The following CASK variants were observed in gnomAD, a reference collection of about 807,000 sequenced individuals.
CASK encodes the protein calcium/calmodulin dependent serine protein kinase.
A neutral mutation model predicts 82.9 loss-of-function variants in CASK; 4 were observed. That is an observed-to-expected ratio of 0.05 (90% confidence interval 0.02 to 0.11). The LOEUF (loss-of-function observed/expected upper bound fraction) is 0.11. Ranked by LOEUF, CASK falls within the 10% of genes least tolerant of loss-of-function variation. The pLI is 1.00. For synonymous variants in CASK, 259 were observed against 253.5 expected (o/e 1.02, Z -0.20); for missense variants, 358 against 720.9 (o/e 0.50, Z 5.76).
chrX:41,770,479 G>A (rs1001870001), intron 3 of CASK, among the ~76,000 whole-genome samples: 1 of 110,334 alleles, frequency 9.1e-6, no homozygotes, highest in Admixed American at 9.8e-5. Context: ...TCCACCTCCC[G>A]GGTTCAAGCG....
intron 5 of CASK, among the ~76,000 whole-genome samples, chrX:41,674,864 T>G (rs1315004768): frequency 9.0e-6 from 1 of 111,320 alleles, no homozygotes; most frequent in Non-Finnish European, 1.9e-5. Flanking sequence ...TACATGAATT[T>G]AATACATGTG....
At chrX:41,580,128 G>A (rs909981525) in intron 14 of CASK, among the ~76,000 whole-genome samples, 20 of 112,237 alleles carry the variant, frequency 1.8e-4, no homozygotes, top group African/African-American at 6.1e-4. Flanking sequence ...GCTGTCCTAT[G>A]TGGGCAAATC....
At chrX:41,918,704 T>A (rs2072733273) in intron 1 of CASK, among the ~76,000 whole-genome samples, 1 of 112,665 alleles carries the variant, frequency 8.9e-6, no homozygotes, top group African/African-American at 3.2e-5. Context: ...AAAATCCATG[T>A]TTTAGCCATT....
At chrX:41,682,204 A>G (rs1011367776) in intron 5 of CASK, among the ~76,000 whole-genome samples, 1 of 110,328 alleles carries the variant, frequency 9.1e-6, no homozygotes. Context: ...AAAAAGACAT[A>G]CCTATAGATT....
intron 9 of CASK, among the ~76,000 whole-genome samples, chrX:41,627,671 C>G (rs1054936201): frequency 8.9e-6 from 1 of 112,297 alleles, no homozygotes; most frequent in African/African-American, 3.2e-5. Context: ...GGGAGTAAAT[C>G]ATTTAACCTC....
At chrX:41,708,005 C>G (rs1158454708) in intron 5 of CASK, among the ~76,000 whole-genome samples, 1 of 109,092 alleles carries the variant, frequency 9.2e-6, no homozygotes, top group East Asian at 2.9e-4. Context: ...GTAATCCCAG[C>G]TACTCGGGAG....
chrX:41,633,057 AATAATAAT>A (rs1250723937), intron 9 of CASK, among the ~76,000 whole-genome samples: 7 of 83,959 alleles, frequency 8.3e-5, no homozygotes, highest in East Asian at 5.9e-4. Flanking sequence ...AAAAAAAAAA[AATAATAAT>A]AATAATAAAG....
intron 3 of CASK, among the ~76,000 whole-genome samples, chrX:41,768,571 T>G (rs2069156929): frequency 1.8e-5 from 2 of 111,655 alleles, no homozygotes; most frequent in Admixed American, 1.9e-4. Context: ...TGACAGAATT[T>G]TAATGTTCTG....
intron 5 of CASK, among the ~76,000 whole-genome samples, chrX:41,735,566 A>ATTTT (rs763684706): frequency 3.9e-5 from 4 of 101,658 alleles, no homozygotes; most frequent in African/African-American, 1.4e-4. Flanking sequence ...AATCTAACTA[A>ATTTT]TTTTTTTTTT....
chrX:41,688,791 A>G (rs1013199672), intron 5 of CASK, among the ~76,000 whole-genome samples: 48 of 110,881 alleles, frequency 4.3e-4, no homozygotes, highest in African/African-American at 1.5e-3. Flanking sequence ...ATTCATAAAG[A>G]AGATATAAAT....
At chrX:41,692,656 T>G (rs1009892693) in intron 5 of CASK, among the ~76,000 whole-genome samples, 1 of 112,442 alleles carries the variant, frequency 8.9e-6, no homozygotes, top group Admixed American at 9.4e-5. Flanking sequence ...CTTGCTTCTT[T>G]GACATGATTT....
Position 41,586,951 on chromosome X carries a change from C to T in CASK, c.1270G>A (p.Asp424Asn). 3 of 1,181,567 alleles carry T rather than the reference C, an allele frequency of 2.5e-6. No individual in the cohort carries two copies. The highest frequency in any genetic ancestry group is 3.5e-6 in the Non-Finnish European group (3 of 869,531). ...AAAATACGCTTTAGTTCCTTTGCGTCGTTATTCTCAGGGTAACATGAAATT... is the reference window on the plus strand; with the variant it reads ...AAAATACGCTTTAGTTCCTTTGCGTTGTTATTCTCAGGGTAACATGAAATT... ...EEISCYPENN[D>N]AKELKRILTQ... Residue 424 changes from aspartate (D) to asparagine (N), a missense_variant, in exon 14 of 27, where the codon GAC becomes AAC. By Grantham distance (23) the Asp-to-Asn change is conservative (BLOSUM62 1). This residue lies in a region of CASK where 110 missense variants were observed against 218.8 expected (regional missense o/e 0.50). Transcript: ENST00000378163.
At chrX:41,527,168 TG>T (rs1411903890) in intron 25 of CASK, among the ~76,000 whole-genome samples, 1 of 108,853 alleles carries the variant, frequency 9.2e-6, no homozygotes, top group Non-Finnish European at 1.9e-5. Context: ...CGAATCTCTC[TG>T]GGATTCGGAG....
chrX:41,851,357 G>A (rs1297147395), intron 2 of CASK, among the ~76,000 whole-genome samples: 2 of 111,604 alleles, frequency 1.8e-5, no homozygotes, highest in East Asian at 5.6e-4. Context: ...TTCAGCAACA[G>A]ACTCCCATAT....
At chrX:41,814,624 G>C (rs911348546) in intron 2 of CASK, among the ~76,000 whole-genome samples, 16 of 107,270 alleles carry the variant, frequency 1.5e-4, no homozygotes, top group Non-Finnish European at 2.7e-4. Context: ...ATAGCATTAG[G>C]AGATATACCT....
chrX:41,526,365 C>T (rs1318947065), intron 25 of CASK, among the ~76,000 whole-genome samples: 1 of 111,985 alleles, frequency 8.9e-6, no homozygotes, highest in Non-Finnish European at 1.9e-5. Flanking sequence ...GGATGCTGAA[C>T]GGAACCCACA....
chrX:41,697,321 T>A (rs1217196276), intron 5 of CASK: 1 of 122,951 alleles, frequency 8.1e-6, no homozygotes, highest in Non-Finnish European at 1.9e-5. Context: ...GGAAAGAATT[T>A]AAATACTGTA....
At chrX:41,674,982 G>A (rs2067246308) in intron 5 of CASK, among the ~76,000 whole-genome samples, 1 of 111,429 alleles carries the variant, frequency 9.0e-6, no homozygotes, top group Admixed American at 9.5e-5. Flanking sequence ...TAAATACATG[G>A]GTTTTTGTTT....
chrX:41,732,743 T>C (rs921869822), intron 5 of CASK, among the ~76,000 whole-genome samples: 8 of 109,167 alleles, frequency 7.3e-5, no homozygotes, highest in Non-Finnish European at 1.9e-5. Context: ...AATTTTTTTT[T>C]TTTTTGAGAT....
Sources: allele counts gnomAD v4.1 joint callset (sites outside exome capture counted in the v4.1 genomes callset), GRCh38; gene constraint gnomAD v4.1.1; regional missense constraint gnomAD v4.1.1; transcripts MANE v1.5; gene names NCBI Gene and HGNC (gene_info 2026-07-23, HGNC 2026-07-21).